The following DST variants were observed in gnomAD, a reference collection of about 807,000 sequenced individuals.
DST encodes the protein bullous pemphigoid antigen.
A neutral mutation model predicts 875.2 loss-of-function variants in DST; 253 were observed. The ratio of observed to expected loss-of-function variants is 0.29; its 90% CI spans 0.26 to 0.32. The LOEUF (loss-of-function observed/expected upper bound fraction) is 0.32, where lower values mean the gene tolerates loss of function less well. Ranked by LOEUF, DST falls within the 10% of genes least tolerant of loss-of-function variation. DST has a pLI of 1.00. For missense variants in DST, 8,287 were observed against 9,111.6 expected, an observed-to-expected ratio of 0.91 and a Z score of 3.68; for synonymous variants, 3,124 against 3,197.1, an observed-to-expected ratio of 0.98 and a Z score of 0.77.
intron 61 of DST, among the ~76,000 whole-genome samples, chr6:56,549,619 A>G (rs1305221880): frequency 2.0e-5 from 3 of 152,170 alleles, no homozygotes; most frequent in African/African-American, 7.2e-5. Flanking sequence ...CAACATCATC[A>G]TTATCATCAT....
chr6:56,489,476 A>C lies in DST; in HGVS notation c.20877+14T>G, dbSNP rs765495774. On this transcript the variant is annotated intron_variant, in intron 86 of 103. Transcript: ENST00000680361. Reference sequence around the variant, plus strand: ...TATAATGAGACAATATGCTCTTCTTAATTATGGACCCACCTTATGTTGTGC... The same window carrying C: ...TATAATGAGACAATATGCTCTTCTTCATTATGGACCCACCTTATGTTGTGC... The C allele has an allele frequency of 6.2e-7, 1 of 1,605,724 alleles. No individual in the cohort carries two copies. The highest frequency in any genetic ancestry group is 8.5e-7 in the Non-Finnish European group (1 of 1,176,512).
chr6:56,465,356 T>C (rs548857138), intron 99 of DST, among the ~76,000 whole-genome samples: 2 of 152,120 alleles, frequency 1.3e-5, no homozygotes, highest in Non-Finnish European at 2.9e-5. Context: ...TTATAACAAT[T>C]TTATTGTTTT....
In DST at chr6:56,608,260, G is replaced by T. The variant is rs1296441265; in HGVS notation, c.6368C>A (p.Ala2123Asp). ...GTCTATAATTCCTAGCTGTTTAGCAGCATCCAAACCAATGACTTGAGAACT... is the reference window on the plus strand; with the variant it reads ...GTCTATAATTCCTAGCTGTTTAGCATCATCCAAACCAATGACTTGAGAACT... ...PESSQVIGLD[A>D]AKQLGIIDNN... is the part of the protein sequence containing the mutation. Residue 2123 changes from alanine (A) to aspartate (D), a missense_variant, in exon 40 of 104, where the codon GCT becomes GAT. Coordinates refer to ENST00000680361, the MANE Select transcript of DST (RefSeq NM_001374736.1). 6.2e-7 allele frequency: 1 copy of T among 1,613,694 alleles called. No homozygotes were observed. Among genetic ancestry groups the T allele is most frequent in the South Asian group, 1.1e-5 (1 of 91,082 alleles).
Position 56,469,884 on chromosome 6 carries a change from C to T in DST, c.22550G>A (p.Arg7517Lys), listed in dbSNP as rs764882214. 6.2e-7 allele frequency: 1 copy of T among 1,612,280 alleles called. No homozygotes were observed. The highest frequency in any genetic ancestry group is 1.1e-5 in the South Asian group (1 of 91,024). Residue 7517 changes from arginine (R) to lysine (K), a missense_variant and splice_region_variant, in exon 97 of 104, where the codon AGG becomes AAG. Physicochemically the swap from Arg to Lys is conservative, Grantham distance 26 (BLOSUM62 2). This residue lies in a region of DST where 87 missense variants were observed against 209.7 expected (regional missense o/e 0.41). Transcript: ENST00000680361. ...TACAACATTACTTTGAAAACTTACC[C>T]TGTATTTATTATCACCAATCTGCTC... ...QVEQIGDNKY[R>K]FFLGNQFGDS...
At chr6:56,855,956 C>T (rs1437987867) in intron 3 of DST, among the ~76,000 whole-genome samples, 2 of 151,966 alleles carry the variant, frequency 1.3e-5, no homozygotes, top group African/African-American at 4.8e-5. Flanking sequence ...ATTTTTTTTT[C>T]TCATCAACAT....
At chr6:56,889,824 T>C (rs924913499) in intron 3 of DST, among the ~76,000 whole-genome samples, 1 of 152,184 alleles carries the variant, frequency 6.6e-6, no homozygotes, top group Admixed American at 6.5e-5. Flanking sequence ...TCTTGCTTAC[T>C]TCTTGCTACC....
chr6:56,831,536 C>G (rs574248613), intron 4 of DST, among the ~76,000 whole-genome samples: 1 of 152,098 alleles, frequency 6.6e-6, no homozygotes, highest in South Asian at 2.1e-4. Context: ...TTGTGAAACC[C>G]CTGGATGCTC....
chr6:56,592,450 G>T, intron 48 of DST, 92 bp from the exon 49 acceptor site: 1 of 1,090,526 alleles, frequency 9.2e-7, no homozygotes. Context: ...TATGTAACTT[G>T]GAAAAAAAAC....
chr6:56,465,849 A>C (rs1332841781), intron 99 of DST, among the ~76,000 whole-genome samples: 1 of 146,750 alleles, frequency 6.8e-6, no homozygotes, highest in Admixed American at 6.9e-5. Flanking sequence ...CCCGCCCACC[A>C]TATTTATCCA....
intron 3 of DST, among the ~76,000 whole-genome samples, chr6:56,887,406 A>C (rs1408176164): frequency 6.6e-6 from 1 of 152,226 alleles, no homozygotes; most frequent in Non-Finnish European, 1.5e-5. Context: ...AATTCCAAAC[A>C]GAATTCTGAG....
chr6:56,506,396 A>AC, intron 77 of DST, 47 bp downstream of exon 77: 2 of 1,481,066 alleles, frequency 1.4e-6, no homozygotes, highest in Non-Finnish European at 1.8e-6. Flanking sequence ...AATTAGTACG[A>AC]TTCCTCCTTC....
intron 77 of DST, among the ~76,000 whole-genome samples, chr6:56,505,878 C>T (rs1207724802): frequency 6.6e-6 from 1 of 151,596 alleles, no homozygotes; most frequent in Non-Finnish European, 1.5e-5. Context: ...GAATGAAAAC[C>T]CTTAAGTGAA....
At chr6:56,727,388 G>A (rs1023342304) in intron 5 of DST, among the ~76,000 whole-genome samples, 4 of 152,022 alleles carry the variant, frequency 2.6e-5, no homozygotes, top group African/African-American at 9.7e-5. Flanking sequence ...CCTCAACCTT[G>A]GAAAAACAAA....
chr6:56,618,332 C>G (rs1311516334), intron 36 of DST: 1 of 1,614,000 alleles, frequency 6.2e-7, no homozygotes, highest in South Asian at 1.1e-5. Flanking sequence ...GTGAAGGTGT[C>G]CAGTGTTTCT....
In DST at chr6:56,702,504, C is replaced by T. The variant is rs191476229; in HGVS notation, c.877-539G>A. ...AGAAAGACAGAGAAGGTTTACTTAG[C>T]CATGATAGAGAAAGAGAGAAAACCA... On this transcript the variant is annotated intron_variant, in intron 7 of 103. Transcript: ENST00000680361. Among the ~76,000 whole-genome samples the T allele has an allele frequency of 3.3e-3, 499 of 151,890 alleles. 6 individuals are homozygous for T. The highest frequency in any genetic ancestry group is 0.011 in the African/African-American group (475 of 41,450).
intron 49 of DST, among the ~76,000 whole-genome samples, chr6:56,589,859 A>T (rs928201514): frequency 1.3e-5 from 2 of 152,260 alleles, no homozygotes; most frequent in African/African-American, 4.8e-5. Context: ...AAATGAAATG[A>T]ACAAATTGGA....
chr6:56,486,382 A>C (rs994563470), intron 87 of DST, among the ~76,000 whole-genome samples: 7 of 150,420 alleles, frequency 4.7e-5, no homozygotes, highest in African/African-American at 1.7e-4. Flanking sequence ...AAAAAAAAAA[A>C]AAAAAGGATT....
intron 3 of DST, among the ~76,000 whole-genome samples, chr6:56,884,674 T>A (rs1783793418): frequency 6.6e-6 from 1 of 152,142 alleles, no homozygotes; most frequent in Admixed American, 6.6e-5. Flanking sequence ...GCTGACATGA[T>A]CCCAGTAGTC....
chr6:56,708,204 G>GT (rs967937247), intron 5 of DST, among the ~76,000 whole-genome samples: 2 of 151,700 alleles, frequency 1.3e-5, no homozygotes, highest in East Asian at 3.9e-4. Context: ...AGGCTTCAGG[G>GT]TTTTTTTTAT....
Sources: allele counts gnomAD v4.1 joint callset (sites outside exome capture counted in the v4.1 genomes callset), GRCh38; gene constraint gnomAD v4.1.1; regional missense constraint gnomAD v4.1.1; transcripts MANE v1.5; gene names NCBI Gene and HGNC (gene_info 2026-07-23, HGNC 2026-07-21).